TBC1D32: variants seen among roughly 807,000 people sequenced by gnomAD.
TBC1D32 encodes the protein protein broad-minded.
TBC1D32 carries 151 observed loss-of-function variants against 170.3 expected under a neutral mutation model. That is an observed-to-expected ratio of 0.89 (90% CI 0.78 to 1.01). TBC1D32 has a LOEUF of 1.01. TBC1D32 is among the 50% of genes least tolerant of loss of function. TBC1D32 has a pLI of 0.00. For missense variants in TBC1D32, 1,464 were observed against 1,457.1 expected (o/e 1.00, Z -0.08); for synonymous variants, 498 against 488.0 (o/e 1.02, Z -0.27).
At chr6:121,291,439 C>T (rs1804852576) in intron 12 of TBC1D32, among the ~76,000 whole-genome samples, 1 of 151,254 alleles carries the variant, frequency 6.6e-6, no homozygotes, top group East Asian at 1.9e-4. Flanking sequence ...CAAAAAAAAA[C>T]AAAAAAACAA....
intron 21 of TBC1D32, among the ~76,000 whole-genome samples, chr6:121,221,771 C>A (rs1794553060): frequency 1.3e-5 from 2 of 152,140 alleles, no homozygotes; most frequent in Admixed American, 1.3e-4. Flanking sequence ...TGAGTGGTTT[C>A]TTATGGATGA....
At chr6:121,302,699 T>C (rs1046743852) in intron 9 of TBC1D32, among the ~76,000 whole-genome samples, 2 of 152,166 alleles carry the variant, frequency 1.3e-5, no homozygotes, top group Non-Finnish European at 2.9e-5. Context: ...AATAATGATA[T>C]AATTTGATAA....
At chr6:121,144,234 G>T (rs919373245) in intron 24 of TBC1D32, among the ~76,000 whole-genome samples, 4 of 152,160 alleles carry the variant, frequency 2.6e-5, no homozygotes, top group Admixed American at 6.5e-5. Context: ...CAGAGCATAT[G>T]CCAGTAAAGA....
At chr6:121,095,926 C>T (rs900425239) in intron 30 of TBC1D32, 2 of 152,124 alleles carry the variant, frequency 1.3e-5, no homozygotes, top group African/African-American at 2.4e-5. Flanking sequence ...GTTTTGGTAT[C>T]AGGATGATGC....
chr6:121,326,066 A>G (rs1193528038), intron 1 of TBC1D32, among the ~76,000 whole-genome samples: 1 of 152,226 alleles, frequency 6.6e-6, no homozygotes, highest in Non-Finnish European at 1.5e-5. Flanking sequence ...CAAAACCACA[A>G]TGAGAAGTAG....
rs1160372863 is a variant in TBC1D32 at position 121,092,293 on chromosome 6, G to GTTTTTTTT, written c.3466-1260_3466-1253dup. 5.0e-3 allele frequency among the ~76,000 whole-genome samples: 254 copies of GTTTTTTTT among 50,408 alleles called. 34 individuals are homozygous for GTTTTTTTT. The highest frequency in any genetic ancestry group is 0.01 in the East Asian group (13 of 1,296). 33.1% of individuals were successfully genotyped at this position (50,408 alleles called of 152,430 possible). Reference sequence around the variant, plus strand: ...AATATCTCTTCTCCTTCAGTTTTATGTTTTTTTTTTTTTTTTTTTTTTTTT... The same window carrying GTTTTTTTT: ...AATATCTCTTCTCCTTCAGTTTTATGTTTTTTTTTTTTTTTTTTTTTTTTTTTTTTTTT... On this transcript the variant is annotated intron_variant, in intron 30 of 31. Transcript: ENST00000398212.
At chr6:121,232,406 C>G (rs1795853586) in intron 20 of TBC1D32, among the ~76,000 whole-genome samples, 1 of 151,994 alleles carries the variant, frequency 6.6e-6, no homozygotes, top group African/African-American at 2.4e-5. Context: ...GCTATGCGGG[C>G]TCTTTGTTGG....
At chr6:121,204,201 A>G (rs1791940478) in intron 22 of TBC1D32, among the ~76,000 whole-genome samples, 1 of 151,338 alleles carries the variant, frequency 6.6e-6, no homozygotes, top group African/African-American at 2.5e-5. Flanking sequence ...ATTTTGAGAT[A>G]AAGGGCACGC....
chr6:121,262,819 A>G (rs530651874), intron 15 of TBC1D32, among the ~76,000 whole-genome samples: 2 of 152,324 alleles, frequency 1.3e-5, no homozygotes, highest in African/African-American at 2.4e-5. Context: ...TCAGAATTTC[A>G]TATCTGGCCA....
At chr6:121,141,903 C>T (rs1233301661) in intron 24 of TBC1D32, among the ~76,000 whole-genome samples, 2 of 152,152 alleles carry the variant, frequency 1.3e-5, no homozygotes, top group African/African-American at 4.8e-5. Flanking sequence ...AATCCTCTTA[C>T]CTTTAGCTAA....
At chr6:121,233,232 T>C (rs900329751) in intron 20 of TBC1D32, among the ~76,000 whole-genome samples, 3 of 152,154 alleles carry the variant, frequency 2.0e-5, no homozygotes, top group African/African-American at 7.2e-5. Flanking sequence ...CCATTTGTTC[T>C]ACGGTATAGT....
chr6:121,292,069 C>A lies in TBC1D32; in HGVS notation c.1356G>T (p.Lys452Asn), dbSNP rs369009845. Residue 452 changes from lysine (K) to asparagine (N), a missense_variant, in exon 12 of 32, where the codon AAG becomes AAT. Physicochemically the swap from Lys to Asn is moderately conservative, Grantham distance 94. Transcript: ENST00000398212. Reference sequence around the variant, plus strand: ...TGTACTTACCTTTTTTATTCTTCAGCTTAATAGGAAATAGTTTTCTGCCTT... The same window carrying A: ...TGTACTTACCTTTTTTATTCTTCAGATTAATAGGAAATAGTTTTCTGCCTT... The part of the protein sequence containing the change: ...YKQGRKLFPI[K>N]LKNKKGLVSL... The A allele has an allele frequency of 8.9e-5, 141 of 1,587,714 alleles. No individual in the cohort carries two copies. The highest frequency in any genetic ancestry group is 3.5e-4 in the Middle Eastern group (2 of 5,742).
intron 31 of TBC1D32, among the ~76,000 whole-genome samples, chr6:121,084,360 A>T (rs1775967341): frequency 6.6e-6 from 1 of 152,140 alleles, no homozygotes; most frequent in Admixed American, 6.5e-5. Context: ...TGTGGCATAC[A>T]ATAAGCACTC....
intron 22 of TBC1D32, among the ~76,000 whole-genome samples, chr6:121,196,934 G>A (rs1381523805): frequency 6.6e-6 from 1 of 152,186 alleles, no homozygotes; most frequent in African/African-American, 2.4e-5. Context: ...CAAAATGTTT[G>A]CCTCCTGTTC....
intron 21 of TBC1D32, among the ~76,000 whole-genome samples, chr6:121,220,694 G>A (rs558088547): frequency 2.8e-4 from 40 of 145,184 alleles, no homozygotes; most frequent in Admixed American, 2.7e-3. Context: ...AGGCTGGAGT[G>A]TAGTGGCATG....
rs1014480017 is a variant in TBC1D32, at chr6:121,092,310, T to G, written c.3466-1269A>C. ...AGTTTTATGTTTTTTTTTTTTTTTT[T>G]TTTTTTTTTTTTTGGAGATGTGGGG... On this transcript the variant is annotated intron_variant, in intron 30 of 31. Transcript: ENST00000398212. 2.9e-4 allele frequency among the ~76,000 whole-genome samples: 42 copies of G among 145,190 alleles called. No homozygotes were observed. In the East Asian group the frequency reaches 6.1e-3, roughly 21 times the overall value.
At chr6:121,320,428 T>C (rs17083420) in intron 2 of TBC1D32, among the ~76,000 whole-genome samples, 7,838 of 152,170 alleles carry the variant, frequency 0.052, 396 homozygotes, top group East Asian at 0.12. Context: ...CAGTACCATA[T>C]AAAATTCTGC....
At chr6:121,101,905 T>A (rs1269512065) in intron 30 of TBC1D32, among the ~76,000 whole-genome samples, 1 of 152,104 alleles carries the variant, frequency 6.6e-6, no homozygotes, top group East Asian at 1.9e-4. Context: ...GGATACAAAA[T>A]CATTGTACAA....
chr6:121,174,347 T>G (rs554870738), intron 22 of TBC1D32, among the ~76,000 whole-genome samples: 1 of 152,152 alleles, frequency 6.6e-6, no homozygotes, highest in Non-Finnish European at 1.5e-5. Flanking sequence ...AGTCAAGAAA[T>G]TCTCCCCGGG....
Sources: allele counts gnomAD v4.1 joint callset (sites outside exome capture counted in the v4.1 genomes callset), GRCh38; gene constraint gnomAD v4.1.1; transcripts MANE v1.5; gene names NCBI Gene and HGNC (gene_info 2026-07-23, HGNC 2026-07-21).